Variants in ATRNL1 observed in about 807,000 individuals in gnomAD.
The protein encoded by ATRNL1 is attractin like 1.
A neutral mutation model predicts 182.7 loss-of-function variants in ATRNL1; 95 were observed. The ratio of observed to expected loss-of-function variants is 0.52; its 90% CI spans 0.44 to 0.62. The LOEUF (loss-of-function observed/expected upper bound fraction) is 0.62. ATRNL1 is among the 20% of genes least tolerant of loss of function. The pLI is 0.00. For missense variants in ATRNL1, 1,471 were observed against 1,679.5 expected (o/e 0.88, Z 2.17); for synonymous variants, 576 against 568.3 (o/e 1.01, Z -0.19).
rs78864551 is a variant in ATRNL1, at chr10:115,562,358, C to T, written c.3795+12822C>T. Among the ~76,000 whole-genome samples the T allele has an allele frequency of 3.9e-3, 598 of 152,160 alleles. 1 individual carries two copies. Among genetic ancestry groups the T allele is most frequent in the African/African-American group, 0.014 (574 of 41,510 alleles). ...ATGATTGTTAATGGGTACATGGGTT[C>T]TTTCTGGGATGATGAAAATGTTTTA... On this transcript the variant is annotated intron_variant, in intron 26 of 28. Transcript: ENST00000355044.
intron 13 of ATRNL1, among the ~76,000 whole-genome samples, chr10:115,278,854 T>C (rs1852220339): frequency 6.6e-6 from 1 of 152,102 alleles, no homozygotes; most frequent in Non-Finnish European, 1.5e-5. Flanking sequence ...TTTTTATTAT[T>C]TTAACTATAG....
At chr10:115,690,855 G>A (rs1180726992) in intron 26 of ATRNL1, among the ~76,000 whole-genome samples, 9 of 152,128 alleles carry the variant, frequency 5.9e-5, no homozygotes, top group Admixed American at 3.9e-4. Flanking sequence ...CTATGCTAGC[G>A]TCAGGGTTTC....
chr10:115,457,835 C>A (rs887276044), intron 21 of ATRNL1, among the ~76,000 whole-genome samples: 1 of 152,032 alleles, frequency 6.6e-6, no homozygotes, highest in South Asian at 2.1e-4. Context: ...AATTCCTCCT[C>A]CCTCTCCTCT....
intron 26 of ATRNL1, among the ~76,000 whole-genome samples, chr10:115,587,022 G>C (rs1451034477): frequency 4.0e-5 from 6 of 148,774 alleles, no homozygotes; most frequent in African/African-American, 1.5e-4. Context: ...CGTGTGAGGT[G>C]TCAGTCTGCC....
At chr10:115,340,645 GCCATCAGACC>G (rs1420059522) in intron 19 of ATRNL1, among the ~76,000 whole-genome samples, 1 of 151,472 alleles carries the variant, frequency 6.6e-6, no homozygotes, top group Admixed American at 6.6e-5. Flanking sequence ...CAGCTGTGAA[GCCATCAGACC>G]CCAGGCTTTT....
chr10:115,173,665 T>G (rs556191658), intron 8 of ATRNL1, among the ~76,000 whole-genome samples: 1 of 151,940 alleles, frequency 6.6e-6, no homozygotes, highest in Admixed American at 6.6e-5. Flanking sequence ...ATAATTGTTA[T>G]GTGCTTATTG....
chr10:115,341,541 A>G (rs2134095614), intron 19 of ATRNL1, among the ~76,000 whole-genome samples: 1 of 152,258 alleles, frequency 6.6e-6, no homozygotes, highest in African/African-American at 2.4e-5. Context: ...TATAGTGCAG[A>G]TTAAGTCCCA....
intron 25 of ATRNL1, among the ~76,000 whole-genome samples, chr10:115,536,443 C>T (rs182375926): frequency 2.5e-4 from 38 of 152,310 alleles, no homozygotes. Flanking sequence ...TCCTGGTGCG[C>T]CATTTTTTAA....
Position 115,093,797 on chromosome 10 carries a change from CCCCGGGGGT to C in ATRNL1, c.48_56del (p.Pro17_Val19del). ...CGCACTGGTACCCCGCAGCCAGCGG[CCCCGGGGGT>C]GTGGAGGGCTCGGCCGGCGGGCGGC... is the stretch of plus-strand genomic sequence containing the variant. On this transcript the variant is annotated inframe_deletion, in exon 1 of 29. Transcript: ENST00000355044. This position sits in a 1 kb window ranked among gnomAD's most constrained non-coding sequence, Gnocchi z 6.1. 1 of 1,465,144 alleles carries C rather than the reference CCCCGGGGGT, an allele frequency of 6.8e-7. No individual in the cohort carries two copies. Among genetic ancestry groups the C allele is most frequent in the Non-Finnish European group, 9.0e-7 (1 of 1,111,800 alleles). 90.8% of individuals were successfully genotyped at this position (1,465,144 alleles called of 1,614,324 possible). A position where few individuals can be genotyped will look rare whatever the true frequency, so the allele number is the denominator to read the frequency against.
intron 18 of ATRNL1, among the ~76,000 whole-genome samples, chr10:115,324,935 T>C (rs1479264716): frequency 6.6e-6 from 1 of 152,196 alleles, no homozygotes; most frequent in African/African-American, 2.4e-5. Context: ...ATTTCTAGCA[T>C]CTGATAATTC....
intron 28 of ATRNL1, among the ~76,000 whole-genome samples, chr10:115,919,613 A>T (rs1952984047): frequency 6.6e-6 from 1 of 152,144 alleles, no homozygotes; most frequent in Non-Finnish European, 1.5e-5. Context: ...TATATAATTA[A>T]TATTATGTAT....
chr10:115,116,142 A>AT (rs1443615770), intron 1 of ATRNL1, among the ~76,000 whole-genome samples: 4 of 152,104 alleles, frequency 2.6e-5, no homozygotes, highest in Non-Finnish European at 4.4e-5. Flanking sequence ...GCAATCTTAG[A>AT]TAATACTTAA....
intron 24 of ATRNL1, among the ~76,000 whole-genome samples, chr10:115,483,630 A>G (rs1213487872): frequency 3.3e-5 from 5 of 151,538 alleles, no homozygotes; most frequent in African/African-American, 1.2e-4. Context: ...ATTTTATTAT[A>G]CTTAATTTTC....
intron 26 of ATRNL1, among the ~76,000 whole-genome samples, chr10:115,621,264 TATATATATATATAG>T (rs1473127343): frequency 1.8e-5 from 1 of 55,064 alleles, no homozygotes; most frequent in Admixed American, 2.0e-4. Context: ...AATATATATA[TATATATATATATAG>T]AGAGAGAGAG....
At position 115,501,778 on chromosome 10, in the gene ATRNL1, TAA is replaced by T. The variant is rs1438575003; in HGVS notation, c.3655-17481_3655-17480del. Reference sequence around the variant, plus strand: ...ATTAGCAATGTTTTAAGCAAAAAGTTAAAAAGAGTACTGTAGTCATCTATTAG... The same window carrying T: ...ATTAGCAATGTTTTAAGCAAAAAGTTAAAGAGTACTGTAGTCATCTATTAG... On this transcript the variant is annotated intron_variant, in intron 24 of 28. Coordinates refer to ENST00000355044, the MANE Select transcript of ATRNL1 (RefSeq NM_207303.4). Among the ~76,000 whole-genome samples, 4 of 152,268 alleles carry T rather than the reference TAA, an allele frequency of 2.6e-5. No individual in the cohort carries two copies. The South Asian group carries it at 6.2e-4, about 24-fold the overall frequency.
intron 26 of ATRNL1, among the ~76,000 whole-genome samples, chr10:115,689,733 G>T (rs1325129879): frequency 1.3e-5 from 2 of 152,146 alleles, no homozygotes; most frequent in Non-Finnish European, 2.9e-5. Flanking sequence ...TGTAGTCAGA[G>T]ATCACCATTC....
intron 26 of ATRNL1, among the ~76,000 whole-genome samples, chr10:115,683,354 C>T (rs945408162): frequency 9.2e-5 from 14 of 151,810 alleles, no homozygotes; most frequent in Non-Finnish European, 1.8e-4. Context: ...GATAAGCTTT[C>T]CAGTATTGAA....
At chr10:115,714,401 G>C (rs1010412156) in intron 26 of ATRNL1, among the ~76,000 whole-genome samples, 2 of 151,742 alleles carry the variant, frequency 1.3e-5, no homozygotes, top group Non-Finnish European at 2.9e-5. Flanking sequence ...TGACTCCCAG[G>C]TACCACCCTA....
At chr10:115,529,735 A>C (rs1418586463) in intron 25 of ATRNL1, among the ~76,000 whole-genome samples, 4 of 152,086 alleles carry the variant, frequency 2.6e-5, no homozygotes, top group Non-Finnish European at 4.4e-5. Context: ...TCCAATTTCT[A>C]ATTTTAATTT....
Sources: allele counts gnomAD v4.1 joint callset (sites outside exome capture counted in the v4.1 genomes callset), GRCh38; gene constraint gnomAD v4.1.1; non-coding constraint Gnocchi (gnomAD v3.1); transcripts MANE v1.5; gene names NCBI Gene and HGNC (gene_info 2026-07-23, HGNC 2026-07-21).